Variants in PIH1D2 observed in about 807,000 individuals in gnomAD.
PIH1D2 encodes the protein PIH1 domain-containing protein 2.
A neutral mutation model predicts 31.2 loss-of-function variants in PIH1D2; 25 were observed. The observed-to-expected ratio is 0.80, with a 90% CI of 0.58 to 1.12. The LOEUF is 1.12. PIH1D2 is among the 50% of genes most tolerant of loss of function. The probability of loss-of-function intolerance (pLI) is 0.00; values close to 1 mark genes in which losing one functional copy is unlikely to be tolerated. For missense variants in PIH1D2, 310 were observed against 356.6 expected (o/e 0.87, Z 1.05); for synonymous variants, 116 against 119.9 (o/e 0.97, Z 0.21).
At chr11:112,065,843 T>G (rs1169489346), downstream of PIH1D2, among the ~76,000 whole-genome samples, 1 of 152,024 alleles carries the variant, frequency 6.6e-6, no homozygotes, top group African/African-American at 2.4e-5. Flanking sequence ...TAGCTGGGTG[T>G]GGTGGCAGTC....
chr11:112,071,768 AAAT>A lies in PIH1D2; in HGVS notation c.178-13_178-11del. ...TTTTTTCTTTTGGTTTCTGGAAAGC[AAAT>A]AATTTTGCACATCTCAAAACCTAGT... is the stretch of plus-strand genomic sequence containing the variant. On this transcript the variant is annotated splice_polypyrimidine_tract_variant and intron_variant, in intron 2 of 5. Transcript: ENST00000280350. 6.2e-7 allele frequency: 1 copy of A among 1,613,976 alleles called. No individual in the cohort carries two copies. The highest frequency in any genetic ancestry group is 8.5e-7 in the Non-Finnish European group (1 of 1,179,850).
At chr11:112,069,336 T>C (rs1555184254) in intron 5 of PIH1D2, among the ~76,000 whole-genome samples, 1 of 152,116 alleles carries the variant, frequency 6.6e-6, no homozygotes, top group African/African-American at 2.4e-5. Flanking sequence ...TGGACTTCAG[T>C]AAATCCTTAC....
downstream of PIH1D2, chr11:112,059,848 C>T (rs1555182988): frequency 4.2e-6 from 6 of 1,423,594 alleles, no homozygotes; most frequent in South Asian, 1.3e-5. Flanking sequence ...CTTAACCTGG[C>T]ACACAGGCTC....
intron 5 of PIH1D2, among the ~76,000 whole-genome samples, chr11:112,069,320 C>A (rs1252706715): frequency 6.6e-6 from 1 of 151,954 alleles, no homozygotes; most frequent in Non-Finnish European, 1.5e-5. Flanking sequence ...TCTGACTGTA[C>A]TAAGGTGGAC....
the PIH1D2 span, among the ~76,000 whole-genome samples, chr11:112,054,744 C>T: frequency 5.3e-5 from 8 of 152,222 alleles, no homozygotes; most frequent in African/African-American, 1.9e-4. Context: ...TATTCTCTCA[C>T]AGTTCGGGAA....
At chr11:112,058,638 T>A (rs1384251555), downstream of PIH1D2, among the ~76,000 whole-genome samples, 1 of 134,796 alleles carries the variant, frequency 7.4e-6, no homozygotes. Flanking sequence ...GGGGGGGGAA[T>A]CACCTTTTTT....
chr11:112,071,570 C>G (rs782233266), intron 3 of PIH1D2, 65 bp downstream of exon 3: 71 of 1,533,586 alleles, frequency 4.6e-5, no homozygotes, highest in Non-Finnish European at 6.0e-5. Flanking sequence ...ATGCTCTCAA[C>G]CAAGTAAGAT....
intron 1 of PIH1D2, among the ~76,000 whole-genome samples, chr11:112,073,763 C>T (rs1363507462): frequency 6.6e-6 from 1 of 152,324 alleles, no homozygotes; most frequent in Non-Finnish European, 1.5e-5. Context: ...GGACACTTCT[C>T]TACGTCTTCA....
downstream of PIH1D2, chr11:112,064,419 G>T (rs1289973418): frequency 3.8e-6 from 2 of 526,210 alleles, no homozygotes; most frequent in African/African-American, 1.9e-5. Flanking sequence ...TGGTCTGTTG[G>T]TAATTATTTT....
intron 2 of PIH1D2, 28 bp from the exon 3 acceptor site, chr11:112,071,786 C>T (rs1414086523): frequency 3.7e-6 from 6 of 1,612,714 alleles, no homozygotes; most frequent in Non-Finnish European, 5.1e-6. Flanking sequence ...TTGCACATCT[C>T]AAAACCTAGT....
chr11:112,070,051 C>G, intron 5 of PIH1D2: 1 of 306,236 alleles, frequency 3.3e-6, no homozygotes, highest in African/African-American at 2.1e-5. Flanking sequence ...GACTGTAGGA[C>G]TGACTCTAAC....
chr11:112,069,707 G>C (rs1389148170), intron 5 of PIH1D2: 1 of 152,148 alleles, frequency 6.6e-6, no homozygotes, highest in Non-Finnish European at 1.5e-5. Context: ...ACTTTCTCAA[G>C]GAACCTAAGT....
downstream of PIH1D2, chr11:112,059,763 CTTAAT>C (rs1864431719): frequency 6.1e-6 from 4 of 654,914 alleles, no homozygotes; most frequent in African/African-American, 5.5e-5. Flanking sequence ...GGATAGACAT[CTTAAT>C]TTTTGTCTTT....
chr11:112,067,948 GT>G lies in PIH1D2; in HGVS notation c.870del (p.Lys290AsnfsTer7). The G allele has an allele frequency of 6.2e-7, 1 of 1,608,246 alleles. No individual in the cohort carries two copies. The highest frequency in any genetic ancestry group is 8.5e-7 in the Non-Finnish European group (1 of 1,175,434). The stretch of plus-strand genomic sequence containing the variant: ...GCTGTGGTCATTTCAGTATCAATAA[GT>G]TTTGGAAGATTCAGATGTAATCTGT... The part of the protein sequence containing the change: ...EKYRLHLNLP[K>X]LIDTEMTTAK... On this transcript the variant is annotated frameshift_variant, in exon 6 of 6. Coordinates refer to ENST00000280350, the MANE Select transcript of PIH1D2 (RefSeq NM_138789.4). LOFTEE classifies it high-confidence loss of function.
At chr11:112,065,084 C>T (rs1214376314), downstream of PIH1D2, among the ~76,000 whole-genome samples, 3 of 151,910 alleles carry the variant, frequency 2.0e-5, no homozygotes, top group Non-Finnish European at 4.4e-5. Flanking sequence ...TTGTGATCTG[C>T]CCACCTCAGC....
At chr11:112,070,730 TA>T in intron 4 of PIH1D2, 29 bp from the exon 5 acceptor site, 1 of 1,594,926 alleles carries the variant, frequency 6.3e-7, no homozygotes, top group Non-Finnish European at 8.6e-7. Flanking sequence ...GGAGGGGAGA[TA>T]AAAAATAAAT....
intron 2 of PIH1D2, among the ~76,000 whole-genome samples, chr11:112,072,460 A>T (rs1865151118): frequency 7.3e-6 from 1 of 136,806 alleles, no homozygotes; most frequent in Non-Finnish European, 1.5e-5. Flanking sequence ...AGGTGGGAGG[A>T]TCGCTTGGGC....
downstream of PIH1D2, among the ~76,000 whole-genome samples, chr11:112,058,242 T>C (rs1864234313): frequency 6.6e-6 from 1 of 152,236 alleles, no homozygotes; most frequent in Non-Finnish European, 1.5e-5. Context: ...GGGAAGATGA[T>C]TGAACAAGCA....
At chr11:112,056,842 G>C in the PIH1D2 span, among the ~76,000 whole-genome samples, 1 of 152,168 alleles carries the variant, frequency 6.6e-6, no homozygotes, top group African/African-American at 2.4e-5. Flanking sequence ...ATTTGTTACC[G>C]TGTGGGTGTG....
Sources: gnomAD v4.1 joint callset for allele counts (sites outside exome capture counted in the v4.1 genomes callset) on GRCh38, gnomAD v4.1.1 for gene constraint, MANE v1.5 for transcripts, NCBI Gene and HGNC (gene_info 2026-07-23, HGNC 2026-07-21) for gene names.